DLG2: variants seen among roughly 807,000 people sequenced by gnomAD.
The protein encoded by DLG2 is discs large MAGUK scaffold protein 2, also known as disks large homolog 2.
In DLG2, 45 loss-of-function variants were observed where a neutral mutation model predicts 132.5. That is an observed-to-expected ratio of 0.34 (90% CI 0.27 to 0.44). The LOEUF (loss-of-function observed/expected upper bound fraction) is 0.44. DLG2 is among the 20% of genes least tolerant of loss of function. DLG2 has a pLI of 1.00. For missense variants in DLG2, 1,045 were observed against 1,196.9 expected (o/e 0.87, Z 1.87); for synonymous variants, 424 against 419.6 (o/e 1.01, Z -0.13).
At chr11:84,950,319 T>G (rs1246132556) in intron 6 of DLG2, among the ~76,000 whole-genome samples, 1 of 152,188 alleles carries the variant, frequency 6.6e-6, no homozygotes, top group South Asian at 2.1e-4. Flanking sequence ...GTGGGTGTTA[T>G]CTAATTCCAA....
chr11:83,833,540 A>C, intron 17 of DLG2, 74 bp downstream of exon 17: 1 of 1,455,164 alleles, frequency 6.9e-7, no homozygotes, highest in Non-Finnish European at 9.3e-7. Context: ...TTTTGGTATC[A>C]TAATTGAAAG....
At chr11:85,206,040 G>A (rs761989755) in intron 4 of DLG2, among the ~76,000 whole-genome samples, 5 of 152,148 alleles carry the variant, frequency 3.3e-5, no homozygotes, top group African/African-American at 4.8e-5. Flanking sequence ...GAGGTGATTT[G>A]ATCATGGGGG....
At chr11:84,773,817 C>T (rs78019278) in intron 6 of DLG2, among the ~76,000 whole-genome samples, 3,066 of 152,154 alleles carry the variant, frequency 0.02, 48 homozygotes, top group Middle Eastern at 0.044. Flanking sequence ...TATGACAAAC[C>T]CACAGCCAAC....
chr11:84,273,577 G>A (rs1215156739), intron 7 of DLG2, among the ~76,000 whole-genome samples: 2 of 152,110 alleles, frequency 1.3e-5, no homozygotes, highest in Non-Finnish European at 2.9e-5. Context: ...TAGGGGGAAA[G>A]AAGTAGGAAG....
intron 18 of DLG2, among the ~76,000 whole-genome samples, chr11:83,684,842 T>C (rs2079454098): frequency 6.6e-6 from 1 of 152,124 alleles, no homozygotes; most frequent in Non-Finnish European, 1.5e-5. Flanking sequence ...TTAATATATA[T>C]GAGTCATGAT....
At chr11:84,818,361 A>T (rs1006205968) in intron 6 of DLG2, among the ~76,000 whole-genome samples, 1 of 151,902 alleles carries the variant, frequency 6.6e-6, no homozygotes. Context: ...TTTGGTTTAG[A>T]TTTTTTAAGA....
At chr11:85,400,283 C>T (rs916771062) in intron 3 of DLG2, among the ~76,000 whole-genome samples, 3 of 147,960 alleles carry the variant, frequency 2.0e-5, no homozygotes, top group African/African-American at 5.0e-5. Flanking sequence ...CAGGAAACAA[C>T]AGGTGCTGGA....
chr11:84,640,943 AC>A (rs2099660284), intron 6 of DLG2, among the ~76,000 whole-genome samples: 4 of 141,226 alleles, frequency 2.8e-5, no homozygotes, highest in African/African-American at 1.0e-4. Flanking sequence ...CTGTCTCAAA[AC>A]AAACAAACAA....
At chr11:85,022,480 T>C (rs2060162972) in intron 6 of DLG2, among the ~76,000 whole-genome samples, 1 of 152,064 alleles carries the variant, frequency 6.6e-6, no homozygotes, top group Non-Finnish European at 1.5e-5. Flanking sequence ...GGATTACCTA[T>C]AAACATAAAC....
intron 7 of DLG2, among the ~76,000 whole-genome samples, chr11:84,489,553 C>T (rs964009668): frequency 6.6e-6 from 1 of 152,088 alleles, no homozygotes; most frequent in African/African-American, 2.4e-5. Context: ...TTCTCCTCAA[C>T]CTGTCCCCAT....
intron 6 of DLG2, among the ~76,000 whole-genome samples, chr11:84,680,430 C>T (rs765666239): frequency 2.6e-5 from 4 of 152,090 alleles, no homozygotes; most frequent in African/African-American, 9.7e-5. Flanking sequence ...CTCCTCACTT[C>T]CTCATAATTC....
At chr11:85,359,651 G>C (rs890742752) in intron 3 of DLG2, among the ~76,000 whole-genome samples, 3 of 152,150 alleles carry the variant, frequency 2.0e-5, no homozygotes, top group African/African-American at 7.2e-5. Context: ...TAATTATGCT[G>C]TAGTATAATT....
At chr11:84,848,138 C>T (rs1372654964) in intron 6 of DLG2, among the ~76,000 whole-genome samples, 1 of 152,116 alleles carries the variant, frequency 6.6e-6, no homozygotes, top group East Asian at 1.9e-4. Context: ...AATCAACATG[C>T]ATTCCTTGCC....
chr11:84,852,383 G>A (rs554412915), intron 6 of DLG2, among the ~76,000 whole-genome samples: 141 of 152,068 alleles, frequency 9.3e-4, no homozygotes, highest in Non-Finnish European at 1.9e-3. Context: ...ATCCATGAAG[G>A]GCAAATAGGT....
chr11:84,545,070 G>A, intron 6 of DLG2: 1 of 453,782 alleles, frequency 2.2e-6, no homozygotes, highest in South Asian at 1.6e-5. Context: ...CAAATCTGTT[G>A]TAACCTGTAG....
intron 3 of DLG2, among the ~76,000 whole-genome samples, chr11:85,412,893 C>T (rs1453750164): frequency 3.3e-5 from 5 of 151,050 alleles, no homozygotes; most frequent in Admixed American, 1.3e-4. Flanking sequence ...ATATCTTTTT[C>T]GTATAATGAT....
intron 18 of DLG2, among the ~76,000 whole-genome samples, chr11:83,753,841 T>C (rs1380469517): frequency 8.9e-5 from 1 of 11,298 alleles, no homozygotes; most frequent in Admixed American, 1.1e-3. Context: ...ATATGATATA[T>C]ATCATATATA....
At chr11:85,408,493 C>T (rs2088987180) in intron 3 of DLG2, among the ~76,000 whole-genome samples, 1 of 150,310 alleles carries the variant, frequency 6.7e-6, no homozygotes, top group African/African-American at 2.4e-5. Context: ...TGCACTGCAC[C>T]CACTAACTCG....
At chr11:84,696,944 T>C (rs942971456) in intron 6 of DLG2, among the ~76,000 whole-genome samples, 1 of 151,334 alleles carries the variant, frequency 6.6e-6, no homozygotes, top group Non-Finnish European at 1.5e-5. Context: ...TTAAATAACT[T>C]GCCCACATTG....
Sources: allele counts gnomAD v4.1 joint callset (sites outside exome capture counted in the v4.1 genomes callset), GRCh38; gene constraint gnomAD v4.1.1; transcripts MANE v1.5; gene names NCBI Gene and HGNC (gene_info 2026-07-23, HGNC 2026-07-21).